The following MYO15A variants were observed in gnomAD, a reference collection of about 807,000 sequenced individuals.
MYO15A encodes unconventional myosin-XV.
MYO15A carries 308 observed loss-of-function variants against 394.6 expected under a neutral mutation model. That is an observed-to-expected ratio of 0.78 (90% confidence interval 0.71 to 0.86). The LOEUF is 0.86. Among genes scored for constraint, MYO15A ranks in the 40% least tolerant of loss-of-function variants. The pLI is 0.00. For missense variants in MYO15A, 4,606 were observed against 4,799.1 expected, an observed-to-expected ratio of 0.96 and a Z score of 1.19; for synonymous variants, 1,957 against 2,003.8, an observed-to-expected ratio of 0.98 and a Z score of 0.62.
At chr17:18,163,088 G>T (rs1339953878) in intron 58 of MYO15A, among the ~76,000 whole-genome samples, 156 bp from the exon 59 acceptor site, 2 of 152,196 alleles carry the variant, frequency 1.3e-5, no homozygotes, top group South Asian at 2.1e-4. Flanking sequence ...TGCACTCAGG[G>T]GCTTGCAGAC....
intron 7 of MYO15A, among the ~76,000 whole-genome samples, chr17:18,129,702 T>A (rs1394098607): frequency 6.6e-6 from 1 of 152,272 alleles, no homozygotes; most frequent in African/African-American, 2.4e-5. Flanking sequence ...TAAGCTTCAG[T>A]TTCCTAATCT....
chr17:18,145,481 A>C (rs1420001601), intron 29 of MYO15A, among the ~76,000 whole-genome samples: 1 of 152,206 alleles, frequency 6.6e-6, no homozygotes, highest in African/African-American at 2.4e-5. Context: ...TGGGAGGCCA[A>C]GGCAGGCAGA....
Position 18,121,866 on chromosome 17 carries a change from G to C in MYO15A, c.3066G>C (p.Gln1022His). ...PEEEATLGDP[Q>H]LPAETKPPTP... ...AAGAGGCCACCCTGGGGGACCCCCA[G>C]CTGCCAGCAGAGACCAAGCCTCCAA... is the stretch of plus-strand genomic sequence containing the variant. The change falls in exon 2 of 66, where the codon CAG (glutamine) becomes CAC (histidine). Residue 1022 changes from glutamine (Q) to histidine (H), a missense_variant. By Grantham distance (24) the Gln-to-His change is conservative (BLOSUM62 0). Transcript: ENST00000647165. The surrounding 1 kb of genome is among the most constrained non-coding windows in gnomAD (Gnocchi z 5.3). 1 of 1,612,874 alleles carries C rather than the reference G, an allele frequency of 6.2e-7. No individual in the cohort carries two copies. The highest frequency in any genetic ancestry group is 8.5e-7 in the Non-Finnish European group (1 of 1,179,904).
chr17:18,143,448 A>T, intron 25 of MYO15A, 118 bp from the exon 26 acceptor site: 2 of 1,187,420 alleles, frequency 1.7e-6, no homozygotes, highest in Non-Finnish European at 2.4e-6. Flanking sequence ...TCCACACAAC[A>T]GGCAAGCTGC....
intron 56 of MYO15A, 34 bp downstream of exon 56, chr17:18,160,051 C>T (rs755520834): frequency 6.3e-7 from 1 of 1,594,804 alleles, no homozygotes; most frequent in East Asian, 2.2e-5. Flanking sequence ...ACCATCCCCT[C>T]ACTGTGTCCA....
Position 18,121,021 on chromosome 17 carries a change from C to T in MYO15A, c.2221C>T (p.Pro741Ser). ...CCCCGACCTACTAGCCTTCCCAGGG[C>T]CCCGACCCTCGTTCAGGGGCTCCCG... ...VPPDLLAFPG[P>S]RPSFRGSRRR... The change falls in exon 2 of 66, where the codon CCC becomes TCC. Residue 741 changes from proline to serine, a missense_variant. Around this residue, in one of 2 missense-constraint regions of MYO15A, gnomAD observed 1,830 missense variants for 1,689.7 expected, o/e 1.08. Transcript: ENST00000647165. This position sits in a 1 kb window ranked among gnomAD's most constrained non-coding sequence, Gnocchi z 5.3. 1 of 1,508,638 alleles carries T rather than the reference C, an allele frequency of 6.6e-7. No individual in the cohort carries two copies. The highest frequency in any genetic ancestry group is 8.8e-7 in the Non-Finnish European group (1 of 1,133,308). 93.5% of individuals were successfully genotyped at this position (1,508,638 alleles called of 1,614,324 possible).
At chr17:18,163,442 C>A in intron 59 of MYO15A, 121 bp downstream of exon 59, 2 of 1,076,728 alleles carry the variant, frequency 1.9e-6, no homozygotes, top group Non-Finnish European at 2.8e-6. Flanking sequence ...GGCTCTCCCA[C>A]AGCCCCACAA....
At chr17:18,157,116 G>T in intron 49 of MYO15A, 40 bp from the exon 50 acceptor site, 1 of 1,611,272 alleles carries the variant, frequency 6.2e-7, no homozygotes, top group Non-Finnish European at 8.5e-7. Context: ...CTGGCCAAGG[G>T]GGCCTCCCTG....
chr17:18,172,023 A>G (rs1444759136), intron 63 of MYO15A, 134 bp from the exon 64 acceptor site: 2 of 1,470,122 alleles, frequency 1.4e-6, no homozygotes, highest in African/African-American at 2.8e-5. Context: ...GAGGCCAGAG[A>G]GATGGGAGGA....
In MYO15A at chr17:18,159,292, C is replaced by A; in HGVS notation, c.9174C>A (p.Ser3058=). 6.2e-7 allele frequency: 1 copy of A among 1,614,194 alleles called. No individual in the cohort carries two copies. Residue 3058 remains serine, a synonymous_variant, in exon 54 of 66, where the codon TCC becomes TCA. Transcript: ENST00000647165. ...LCFTKTPLQE[S]LIELSDSSLS... is the part of the protein sequence containing the mutation. The stretch of plus-strand genomic sequence containing the variant: ...CCCCACAGACTCCCCTCCAGGAATC[C>A]CTCATCGAACTCAGCGACAGCAGCC...
rs771444332 is a variant in MYO15A, at chr17:18,163,224, C to T, written c.9613-20C>T. On this transcript the variant is annotated intron_variant, in intron 58 of 65. Coordinates refer to ENST00000647165, the MANE Select transcript of MYO15A (RefSeq NM_016239.4). Reference sequence around the variant, plus strand: ...TCCTAGGACCCAACCTGTCATCCCTCTCCCACCTATCTACCCCAGGCAGGC... The same window carrying T: ...TCCTAGGACCCAACCTGTCATCCCTTTCCCACCTATCTACCCCAGGCAGGC... 27 of 1,613,268 alleles carry T rather than the reference C, an allele frequency of 1.7e-5. No individual in the cohort carries two copies. In the East Asian group the frequency reaches 4.2e-4, roughly 25 times the overall value.
intron 19 of MYO15A, 73 bp downstream of exon 19, chr17:18,139,684 G>A: frequency 6.4e-7 from 1 of 1,558,058 alleles, no homozygotes; most frequent in Non-Finnish European, 8.8e-7. Context: ...CCTGCCTTCA[G>A]GCCTGGGACC....
chr17:18,141,653 G>C lies in MYO15A; in HGVS notation c.5532G>C (p.Arg1844Ser). The change falls in exon 23 of 66, where the codon AGG becomes AGC. Residue 1844 changes from arginine (R) to serine (S), a missense_variant and splice_region_variant. By Grantham distance (110) the Arg-to-Ser change is moderately radical. This residue lies in a region of MYO15A where 2,776 missense variants were observed against 3,109.3 expected (regional missense o/e 0.89). Coordinates refer to ENST00000647165, the MANE Select transcript of MYO15A (RefSeq NM_016239.4). ...AGACTAACTTTGGGCCCCCTACCAG[G>C]TACTGCTGTCTAGTGGCCCTCAAGC... ...VRLPFQGFID[R>S]YCCLVALKHD... 2 of 1,613,878 alleles carry C rather than the reference G, an allele frequency of 1.2e-6. No homozygotes were observed. The highest frequency in any genetic ancestry group is 1.7e-6 in the Non-Finnish European group (2 of 1,179,866).
At chr17:18,122,593 G>A in intron 2 of MYO15A, 184 bp downstream of exon 2, 1 of 888,544 alleles carries the variant, frequency 1.1e-6, no homozygotes, top group Non-Finnish European at 1.7e-6. Context: ...GTTGAACAAG[G>A]GGATGCCCAG....
At chr17:18,123,736 C>G (rs976781057) in intron 2 of MYO15A, 1 of 153,798 alleles carries the variant, frequency 6.5e-6, no homozygotes, top group Non-Finnish European at 1.4e-5. Context: ...GGTTGTTTGC[C>G]CACCCTCTGC....
rs1449403411 is a variant in MYO15A at position 18,119,458 on chromosome 17, C to T, written c.658C>T (p.Arg220Cys). The T allele has an allele frequency of 1.9e-6, 3 of 1,612,640 alleles. No individual in the cohort carries two copies. The highest frequency in any genetic ancestry group is 2.5e-6 in the Non-Finnish European group (3 of 1,179,986). Residue 220 changes from arginine (R) to cysteine (C), a missense_variant, in exon 2 of 66, where the codon CGC (arginine) becomes TGC (cysteine). Around this residue, in one of 2 missense-constraint regions of MYO15A, gnomAD observed 1,830 missense variants for 1,689.7 expected, o/e 1.08. Coordinates refer to ENST00000647165, the MANE Select transcript of MYO15A (RefSeq NM_016239.4). ...DEAPFHHSGS[R>C]KSLYGLEGFQ... ...GGCCCCATTCCATCACTCGGGCTCCCGCAAGTCGCTGTACGGGCTTGAGGG... is the reference window on the plus strand; with the variant it reads ...GGCCCCATTCCATCACTCGGGCTCCTGCAAGTCGCTGTACGGGCTTGAGGG...
chr17:18,160,167 A>G lies in MYO15A; in HGVS notation c.9386+150A>G, dbSNP rs564846951. ...CACTCAATAGAGCACGTTTTTTGGA[A>G]TTACTTGGTCTGGAACACACCATTT... On this transcript the variant is annotated intron_variant, in intron 56 of 65. Coordinates refer to ENST00000647165, the MANE Select transcript of MYO15A (RefSeq NM_016239.4). 1.0e-5 allele frequency: 8 copies of G among 767,006 alleles called. No individual in the cohort carries two copies. In the African/African-American group the frequency reaches 1.4e-4, roughly 13 times the overall value. 47.5% of individuals were successfully genotyped at this position (767,006 alleles called of 1,614,324 possible).
chr17:18,171,809 C>T (rs772392663), intron 63 of MYO15A, 38 bp downstream of exon 63: 54 of 1,594,268 alleles, frequency 3.4e-5, no homozygotes, highest in Non-Finnish European at 4.4e-5. Flanking sequence ...TCATAGGGGG[C>T]TTTGCTGAGG....
Position 18,179,015 on chromosome 17 carries a change from A to C in MYO15A, c.*145A>C. Reference sequence around the variant, plus strand: ...AGAGGAGGCAGGAGGAGCAACTCAAATCCCCAAGAACACAAGAAGACCCAT... The same window carrying C: ...AGAGGAGGCAGGAGGAGCAACTCAACTCCCCAAGAACACAAGAAGACCCAT... On this transcript the variant is annotated 3_prime_UTR_variant, in exon 66 of 66. Coordinates refer to ENST00000647165, the MANE Select transcript of MYO15A (RefSeq NM_016239.4). The C allele has an allele frequency of 1.3e-6, 1 of 792,372 alleles. No individual in the cohort carries two copies. The highest frequency in any genetic ancestry group is 2.1e-6 in the Non-Finnish European group (1 of 474,298). 49.1% of individuals were successfully genotyped at this position (792,372 alleles called of 1,614,324 possible).
Sources: gnomAD v4.1 joint callset for allele counts (sites outside exome capture counted in the v4.1 genomes callset) on GRCh38, gnomAD v4.1.1 for gene constraint, gnomAD v4.1.1 regional missense constraint, Gnocchi (gnomAD v3.1) non-coding constraint, MANE v1.5 for transcripts, NCBI Gene and HGNC (gene_info 2026-07-23, HGNC 2026-07-21) for gene names.